The following SLC24A2 variants were observed in gnomAD, a reference collection of about 807,000 sequenced individuals.
SLC24A2 encodes sodium/potassium/calcium exchanger 2.
Under a neutral mutation model 62.0 loss-of-function variants are expected in SLC24A2, and 36 were observed. The observed-to-expected ratio is 0.58, with a 90% CI of 0.44 to 0.77. The LOEUF is 0.77. Among genes scored for constraint, SLC24A2 ranks in the 30% least tolerant of loss-of-function variants. SLC24A2 has a pLI of 0.00. For missense variants in SLC24A2, 846 were observed against 817.9 expected (o/e 1.03, Z -0.42); for synonymous variants, 358 against 294.0 (o/e 1.22, Z -2.23).
the SLC24A2 span, among the ~76,000 whole-genome samples, chr9:19,811,393 A>C: frequency 3.9e-5 from 6 of 152,362 alleles, no homozygotes; most frequent in Non-Finnish European, 8.8e-5. Flanking sequence ...CAGTTACATT[A>C]CTGAACTTAA....
chr9:20,252,822 A>T, the SLC24A2 span, among the ~76,000 whole-genome samples: 1 of 152,218 alleles, frequency 6.6e-6, no homozygotes, highest in Non-Finnish European at 1.5e-5. Flanking sequence ...CCAAATTTTC[A>T]TACTCTAGGA....
chr9:20,250,013 C>T, the SLC24A2 span, among the ~76,000 whole-genome samples: 1 of 152,238 alleles, frequency 6.6e-6, no homozygotes, highest in African/African-American at 2.4e-5. Context: ...TGGGGAGGAA[C>T]TAATTTTCAA....
the SLC24A2 span, among the ~76,000 whole-genome samples, chr9:20,012,495 T>C: frequency 6.6e-6 from 1 of 152,048 alleles, no homozygotes; most frequent in Non-Finnish European, 1.5e-5. Context: ...TATCACCCAC[T>C]CTCACCACTT....
the SLC24A2 span, among the ~76,000 whole-genome samples, chr9:19,868,042 G>T: frequency 6.6e-6 from 1 of 151,226 alleles, no homozygotes; most frequent in Non-Finnish European, 1.5e-5. Flanking sequence ...TGGGTTTATT[G>T]TGCTCTTTAT....
intron 1 of SLC24A2, chr9:19,788,436 G>T: frequency 1.1e-6 from 1 of 890,260 alleles, no homozygotes; most frequent in Non-Finnish European, 1.3e-6. Flanking sequence ...GTAGGAGAAT[G>T]TTCGCCCCCA....
At chr9:20,251,475 G>A in the SLC24A2 span, among the ~76,000 whole-genome samples, 1 of 152,132 alleles carries the variant, frequency 6.6e-6, no homozygotes, top group South Asian at 2.1e-4. Context: ...TGTACAATTT[G>A]CATTTTCTTC....
the SLC24A2 span, among the ~76,000 whole-genome samples, chr9:20,132,580 T>C: frequency 1.3e-5 from 2 of 152,102 alleles, no homozygotes; most frequent in African/African-American, 4.8e-5. Flanking sequence ...CAAATCTCAC[T>C]CCCCAATGGC....
chr9:20,187,947 C>G, the SLC24A2 span, among the ~76,000 whole-genome samples: 15,687 of 152,242 alleles, frequency 0.1, 1,051 homozygotes, highest in Non-Finnish European at 0.15. Flanking sequence ...TCTGCTTTAA[C>G]AGTTAGACTG....
At chr9:19,596,357 T>C (rs868125220) in intron 5 of SLC24A2, among the ~76,000 whole-genome samples, 1 of 152,186 alleles carries the variant, frequency 6.6e-6, no homozygotes, top group African/African-American at 2.4e-5. Flanking sequence ...GTAAAAGTCA[T>C]GTAAAAAACC....
At chr9:20,174,365 A>G in the SLC24A2 span, among the ~76,000 whole-genome samples, 1 of 152,098 alleles carries the variant, frequency 6.6e-6, no homozygotes, top group Non-Finnish European at 1.5e-5. Flanking sequence ...GGACTTAATT[A>G]AACTAAAGAG....
chr9:19,933,237 C>T, the SLC24A2 span, among the ~76,000 whole-genome samples: 1 of 152,114 alleles, frequency 6.6e-6, no homozygotes, highest in African/African-American at 2.4e-5. Flanking sequence ...GCTAAGGTAC[C>T]CCTCTTGCCT....
chr9:20,275,114 C>A, the SLC24A2 span, among the ~76,000 whole-genome samples: 1 of 151,962 alleles, frequency 6.6e-6, no homozygotes, highest in Admixed American at 6.6e-5. Flanking sequence ...CCCCTTCTGG[C>A]ATCTGAACTA....
chr9:19,899,268 C>G, the SLC24A2 span, among the ~76,000 whole-genome samples: 222 of 152,302 alleles, frequency 1.5e-3, 1 homozygote, highest in East Asian at 0.019. Flanking sequence ...GGAAACTTGT[C>G]AAAGACTGAC....
chr9:19,739,203 A>T (rs977339614), intron 2 of SLC24A2, among the ~76,000 whole-genome samples: 30 of 152,336 alleles, frequency 2.0e-4, no homozygotes, highest in African/African-American at 6.3e-4. Context: ...ACAGAAAACA[A>T]AGAAGTCTAA....
intron 5 of SLC24A2, among the ~76,000 whole-genome samples, chr9:19,586,268 G>C (rs1190178058): frequency 1.3e-5 from 2 of 152,102 alleles, no homozygotes; most frequent in Non-Finnish European, 2.9e-5. Flanking sequence ...GGCTGTTAAG[G>C]ATAAGGATGC....
Position 19,560,194 on chromosome 9 carries a change from C to T in SLC24A2, c.1348-9926G>A, listed in dbSNP as rs1306005573. ...AGGGAGAGTCTGGAAGAAGAAAAAC[C>T]GTTAGACCATATGATAGAAACCAGA... On this transcript the variant is annotated intron_variant, in intron 7 of 10. Coordinates refer to ENST00000341998, the MANE Select transcript of SLC24A2 (RefSeq NM_020344.4). Among the ~76,000 whole-genome samples, 4 of 152,028 alleles carry T rather than the reference C, an allele frequency of 2.6e-5. No homozygotes were observed. In the East Asian group the frequency reaches 7.7e-4, roughly 29 times the overall value.
intron 2 of SLC24A2, among the ~76,000 whole-genome samples, chr9:19,695,693 A>C (rs985168369): frequency 9.9e-5 from 15 of 151,220 alleles, no homozygotes; most frequent in African/African-American, 3.6e-4. Context: ...AAAAAAAAAA[A>C]AAAAAAAAAA....
chr9:20,024,515 A>G, the SLC24A2 span, among the ~76,000 whole-genome samples: 1 of 152,308 alleles, frequency 6.6e-6, no homozygotes, highest in South Asian at 2.1e-4. Context: ...TTTCTACATT[A>G]ATTGGTTCGC....
At chr9:19,625,015 T>C (rs1004156550) in intron 2 of SLC24A2, among the ~76,000 whole-genome samples, 2 of 152,198 alleles carry the variant, frequency 1.3e-5, no homozygotes, top group African/African-American at 4.8e-5. Context: ...TTAATGTGTA[T>C]AGCCAGTGGG....
Sources: gnomAD v4.1 joint callset for allele counts (sites outside exome capture counted in the v4.1 genomes callset) on GRCh38, gnomAD v4.1.1 for gene constraint, MANE v1.5 for transcripts, NCBI Gene and HGNC (gene_info 2026-07-23, HGNC 2026-07-21) for gene names.